The following ATAD1 variants were observed in gnomAD, a reference collection of about 807,000 sequenced individuals.
ATAD1 encodes ATPase family AAA domain containing 1.
In ATAD1, 18 loss-of-function variants were observed where a neutral mutation model predicts 42.7. The observed-to-expected ratio is 0.42, with a 90% confidence interval of 0.29 to 0.63. The LOEUF (loss-of-function observed/expected upper bound fraction) is 0.63, where lower values mean the gene tolerates loss of function less well. Among genes scored for constraint, ATAD1 ranks in the 20% least tolerant of loss-of-function variants. The pLI is 0.19. For missense variants in ATAD1, 294 were observed against 440.4 expected, an observed-to-expected ratio of 0.67 and a Z score of 2.98; for synonymous variants, 132 against 143.1, an observed-to-expected ratio of 0.92 and a Z score of 0.55.
Position 87,816,851 on chromosome 10 carries a change from C to T in ATAD1, c.-14+1316G>A, listed in dbSNP as rs1857439419. 2.6e-5 allele frequency among the ~76,000 whole-genome samples: 4 copies of T among 152,090 alleles called. No homozygotes were observed. The South Asian group carries it at 8.3e-4, about 31-fold the overall frequency. On this transcript the variant is annotated intron_variant, in intron 1 of 9. Transcript: ENST00000680024. The stretch of plus-strand genomic sequence containing the variant: ...TTTTATTAACCTAATCTGTGAAAAG[C>T]GGTGGCATTCCAGTAAAACGTTTTC...
At chr10:87,764,841 A>G (rs1329920425) in intron 8 of ATAD1, among the ~76,000 whole-genome samples, 1 of 152,142 alleles carries the variant, frequency 6.6e-6, no homozygotes, top group Non-Finnish European at 1.5e-5. Flanking sequence ...TGTGGGGGGG[A>G]AGCAAGATAA....
At chr10:87,820,421 C>T (rs1322596874), upstream of ATAD1, among the ~76,000 whole-genome samples, 5 of 152,186 alleles carry the variant, frequency 3.3e-5, no homozygotes, top group Admixed American at 2.6e-4. Flanking sequence ...CCAGCCTACC[C>T]AGTTTCAGTT....
chr10:87,773,811 T>TA (rs1489011429), intron 6 of ATAD1, among the ~76,000 whole-genome samples: 1 of 152,224 alleles, frequency 6.6e-6, no homozygotes, highest in Admixed American at 6.5e-5. Context: ...ACAGGGTACA[T>TA]AATATTAAGA....
chr10:87,837,807 G>A (rs773470333), intron 1 of ATAD1, among the ~76,000 whole-genome samples: 1 of 152,114 alleles, frequency 6.6e-6, no homozygotes, highest in East Asian at 1.9e-4. Flanking sequence ...ATGGAAGAAG[G>A]TTCCCCTCCC....
chr10:87,835,452 G>A (rs574296849), intron 1 of ATAD1, among the ~76,000 whole-genome samples: 1 of 152,130 alleles, frequency 6.6e-6, no homozygotes, highest in South Asian at 2.1e-4. Context: ...AGTCTACTTT[G>A]TCTGATAGTA....
At chr10:87,792,622 C>CAAA in intron 3 of ATAD1, 35 bp downstream of exon 3, 15 of 1,355,198 alleles carry the variant, frequency 1.1e-5, no homozygotes, top group South Asian at 2.4e-5. Flanking sequence ...ACCCCCACCT[C>CAAA]TAAAAAAATC....
chr10:87,815,884 T>C (rs1178968974), intron 1 of ATAD1, among the ~76,000 whole-genome samples: 1 of 152,140 alleles, frequency 6.6e-6, no homozygotes, highest in African/African-American at 2.4e-5. Flanking sequence ...AGGGACTCTA[T>C]AAATAGCTGG....
intron 2 of ATAD1, among the ~76,000 whole-genome samples, chr10:87,811,884 T>A (rs909946578): frequency 2.0e-5 from 3 of 152,216 alleles, no homozygotes; most frequent in African/African-American, 7.2e-5. Flanking sequence ...TCAAATGTCA[T>A]CTTCTCATAA....
chr10:87,786,847 G>T (rs12573349), intron 4 of ATAD1, among the ~76,000 whole-genome samples: 3 of 151,774 alleles, frequency 2.0e-5, no homozygotes, highest in Non-Finnish European at 4.4e-5. Context: ...CCCAGCTACT[G>T]GGGAGGCTGA....
chr10:87,755,563 A>C (rs1169861838), intron 9 of ATAD1, among the ~76,000 whole-genome samples: 2 of 152,170 alleles, frequency 1.3e-5, no homozygotes, highest in African/African-American at 4.8e-5. Context: ...TAATTTACCT[A>C]AGCAAAATTT....
chr10:87,837,022 T>A (rs1371016352), intron 1 of ATAD1, among the ~76,000 whole-genome samples: 1 of 152,188 alleles, frequency 6.6e-6, no homozygotes, highest in Admixed American at 6.5e-5. Context: ...AATTTCAATT[T>A]CATTTTTTTA....
intron 8 of ATAD1, 95 bp from the exon 9 acceptor site, chr10:87,757,017 A>G (rs1255296161): frequency 8.7e-6 from 9 of 1,029,360 alleles, no homozygotes; most frequent in South Asian, 2.5e-5. Flanking sequence ...TAAGCATATT[A>G]TAACTGCATG....
At chr10:87,771,087 C>A in intron 6 of ATAD1, 46 bp from the exon 7 acceptor site, 1 of 1,446,972 alleles carries the variant, frequency 6.9e-7, no homozygotes, top group Non-Finnish European at 9.7e-7. Context: ...ACCAATTATA[C>A]TCCTCTGAGA....
intron 2 of ATAD1, among the ~76,000 whole-genome samples, chr10:87,808,501 A>T (rs1240255506): frequency 4.6e-5 from 7 of 152,156 alleles, no homozygotes; most frequent in Non-Finnish European, 1.0e-4. Context: ...AGTGAGCCAA[A>T]ATCATGCCAC....
intron 4 of ATAD1, 24 bp downstream of exon 4, chr10:87,790,286 G>A (rs1208230822): frequency 1.9e-6 from 3 of 1,597,968 alleles, no homozygotes. Flanking sequence ...TAATGCTTTA[G>A]GCGAATATAT....
At chr10:87,791,378 C>T (rs1182808203) in intron 3 of ATAD1, among the ~76,000 whole-genome samples, 1 of 151,740 alleles carries the variant, frequency 6.6e-6, no homozygotes, top group African/African-American at 2.4e-5. Flanking sequence ...AGAAGCAATA[C>T]TTTACAATAG....
chr10:87,811,565 T>A (rs1417405350), intron 2 of ATAD1, among the ~76,000 whole-genome samples: 1 of 152,160 alleles, frequency 6.6e-6, no homozygotes, highest in Non-Finnish European at 1.5e-5. Flanking sequence ...TCACTCTTAG[T>A]ATAGTCATTA....
At chr10:87,772,737 C>T (rs181585030) in intron 6 of ATAD1, among the ~76,000 whole-genome samples, 6 of 152,136 alleles carry the variant, frequency 3.9e-5, no homozygotes, top group African/African-American at 1.4e-4. Flanking sequence ...ATAACAGATA[C>T]TCATGATGAA....
In ATAD1 at chr10:87,777,730, A is replaced by C. The variant is rs753375644; in HGVS notation, c.584-1303T>G. 2.1e-4 allele frequency among the ~76,000 whole-genome samples: 32 copies of C among 152,162 alleles called. 1 individual carries two copies. The highest frequency in any genetic ancestry group is 6.5e-4 in the Admixed American group (10 of 15,280). On this transcript the variant is annotated intron_variant, in intron 5 of 9. Coordinates refer to ENST00000680024, the MANE Select transcript of ATAD1 (RefSeq NM_001321967.2). Reference sequence around the variant, plus strand: ...CATTTTAGCATTGAAACTACAACACAAACTTTGTCGATCATACATGCAAGT... The same window carrying C: ...CATTTTAGCATTGAAACTACAACACCAACTTTGTCGATCATACATGCAAGT...
Sources: gnomAD v4.1 joint callset for allele counts (sites outside exome capture counted in the v4.1 genomes callset) on GRCh38, gnomAD v4.1.1 for gene constraint, MANE v1.5 for transcripts, NCBI Gene and HGNC (gene_info 2026-07-23, HGNC 2026-07-21) for gene names.